LARGE1: variants seen among roughly 807,000 people sequenced by gnomAD.
LARGE1 encodes the protein xylosyl- and glucuronyltransferase LARGE1.
Under a neutral mutation model 87.6 loss-of-function variants are expected in LARGE1, and 43 were observed. The ratio of observed to expected loss-of-function variants is 0.49; its 90% CI spans 0.38 to 0.63. The LOEUF is 0.63. Among genes scored for constraint, LARGE1 ranks in the 30% least tolerant of loss-of-function variants. The probability of loss-of-function intolerance (pLI) is 0.00; values close to 1 mark genes in which losing one functional copy is unlikely to be tolerated. For synonymous variants in LARGE1, 434 were observed against 394.6 expected, an observed-to-expected ratio of 1.10 and a Z score of -1.18; for missense variants, 802 against 1,000.2, an observed-to-expected ratio of 0.80 and a Z score of 2.67.
chr22:33,544,562 G>A (rs1020568209), intron 6 of LARGE1, among the ~76,000 whole-genome samples: 3 of 152,104 alleles, frequency 2.0e-5, no homozygotes, highest in African/African-American at 4.8e-5. Context: ...TGGTACGCCT[G>A]TAATCCCAGC....
At chr22:33,898,614 C>T (rs529326653) in intron 1 of LARGE1, among the ~76,000 whole-genome samples, 33 of 152,262 alleles carry the variant, frequency 2.2e-4, no homozygotes, top group African/African-American at 7.5e-4. Flanking sequence ...ATTAGCTGGG[C>T]GTGGTGGCAC....
At chr22:33,189,463 TCACA>T (rs145313652) in intron 11 of LARGE1, among the ~76,000 whole-genome samples, 2 of 151,596 alleles carry the variant, frequency 1.3e-5, no homozygotes, top group Non-Finnish European at 1.5e-5. Context: ...GTTTCTTGAT[TCACA>T]CACACACACA....
At chr22:33,217,938 CT>C (rs887023465) in intron 11 of LARGE1, among the ~76,000 whole-genome samples, 17 of 145,002 alleles carry the variant, frequency 1.2e-4, no homozygotes, top group East Asian at 4.0e-4. Flanking sequence ...CTTTTTTTTT[CT>C]TTTTTTTTTA....
chr22:33,551,325 A>T (rs2077516558), intron 6 of LARGE1, among the ~76,000 whole-genome samples: 1 of 152,222 alleles, frequency 6.6e-6, no homozygotes, highest in South Asian at 2.1e-4. Context: ...ATAAGAGTGG[A>T]CATGAACCTG....
At chr22:33,248,158 C>T (rs561378271) in intron 11 of LARGE1, among the ~76,000 whole-genome samples, 1 of 152,008 alleles carries the variant, frequency 6.6e-6, no homozygotes, top group Non-Finnish European at 1.5e-5. Context: ...CAGAGAGTTT[C>T]CATACGCCAC....
chr22:33,360,182 G>A lies in LARGE1; in HGVS notation c.1131+21737C>T, dbSNP rs1050696737. Among the ~76,000 whole-genome samples the A allele has an allele frequency of 3.0e-4, 45 of 149,292 alleles. 4 individuals are homozygous for A. The highest frequency in any genetic ancestry group is 4.9e-4 in the Non-Finnish European group (33 of 67,054). On this transcript the variant is annotated intron_variant, in intron 9 of 14. Coordinates refer to ENST00000397394, the MANE Select transcript of LARGE1 (RefSeq NM_133642.5). ...ACAAAAATTAGCCAGGCGTAGTGAC[G>A]TGTGCCTGTAGTCCCAGCTACTTGG...
chr22:33,465,474 A>G (rs553588735), intron 6 of LARGE1, among the ~76,000 whole-genome samples: 26 of 152,354 alleles, frequency 1.7e-4, no homozygotes, highest in Non-Finnish European at 2.9e-4. Context: ...CAAGTAGAAC[A>G]TATGCCATAG....
chr22:33,317,891 T>C (rs1176666891), intron 10 of LARGE1, among the ~76,000 whole-genome samples: 1 of 151,860 alleles, frequency 6.6e-6, no homozygotes, highest in Non-Finnish European at 1.5e-5. Context: ...ACTGGAGCGA[T>C]GGGTACATGG....
intron 2 of LARGE1, among the ~76,000 whole-genome samples, chr22:33,722,053 A>G (rs1016332010): frequency 1.3e-5 from 2 of 152,128 alleles, no homozygotes; most frequent in Non-Finnish European, 2.9e-5. Context: ...GGAGTTCAAG[A>G]CCAGCCTGGC....
At chr22:33,840,658 C>A (rs910099633) in intron 1 of LARGE1, among the ~76,000 whole-genome samples, 2 of 150,512 alleles carry the variant, frequency 1.3e-5, no homozygotes, top group African/African-American at 4.9e-5. Flanking sequence ...TAGGATAATT[C>A]GACTTAGATT....
chr22:33,283,166 G>A lies in LARGE1; in HGVS notation c.1877+36C>T, dbSNP rs753871274. 8 of 1,613,114 alleles carry A rather than the reference G, an allele frequency of 5.0e-6. No homozygotes were observed. In the African/African-American group the frequency reaches 5.3e-5, roughly 11 times the overall value. On this transcript the variant is annotated intron_variant, in intron 13 of 14. Transcript: ENST00000397394. ...GTTTCCCAGGAGAAAGAAGGCCTTC[G>A]AGCACCCCCAGAGTACAGCAGCTAG...
chr22:33,792,779 C>T (rs2085863358), intron 1 of LARGE1, among the ~76,000 whole-genome samples: 1 of 152,208 alleles, frequency 6.6e-6, no homozygotes. Context: ...CATCCACACC[C>T]TCCTTTCTCT....
chr22:33,910,097 T>C (rs2065584599), intron 1 of LARGE1, among the ~76,000 whole-genome samples: 1 of 152,158 alleles, frequency 6.6e-6, no homozygotes, highest in Non-Finnish European at 1.5e-5. Flanking sequence ...CACTGCTACC[T>C]CCTTTCTATT....
At chr22:33,328,319 C>T (rs984932538) in intron 10 of LARGE1, among the ~76,000 whole-genome samples, 6 of 152,108 alleles carry the variant, frequency 3.9e-5, no homozygotes, top group Non-Finnish European at 4.4e-5. Context: ...CAGTGGCTCG[C>T]GCCTGTAATC....
intron 11 of LARGE1, among the ~76,000 whole-genome samples, chr22:33,312,624 T>C (rs766735029): frequency 6.6e-6 from 1 of 152,088 alleles, no homozygotes; most frequent in Non-Finnish European, 1.5e-5. Context: ...ACTCAGAATA[T>C]TTTGCTGATA....
intron 6 of LARGE1, among the ~76,000 whole-genome samples, chr22:33,514,474 T>C (rs2071205577): frequency 6.6e-6 from 1 of 151,880 alleles, no homozygotes; most frequent in Non-Finnish European, 1.5e-5. Flanking sequence ...ACAATGAAAA[T>C]AAAAATAAAC....
intron 1 of LARGE1, among the ~76,000 whole-genome samples, chr22:33,799,622 G>A (rs2086097788): frequency 6.6e-6 from 1 of 151,986 alleles, no homozygotes; most frequent in South Asian, 2.1e-4. Flanking sequence ...AAGTAGAGAC[G>A]GGGTTTCTCC....
rs1357098210 is a variant in LARGE1, at chr22:33,329,179, G to C, written c.1287+8467C>G. Among the ~76,000 whole-genome samples the C allele has an allele frequency of 2.6e-5, 4 of 152,316 alleles. No individual in the cohort carries two copies. In the East Asian group the frequency reaches 5.8e-4, roughly 22 times the overall value. ...TACTGATTACTCAGAGTGCTGTTTT[G>C]AGGAGGATAAAGAAGCTGGGCATAG... is the stretch of plus-strand genomic sequence containing the variant. On this transcript the variant is annotated intron_variant, in intron 10 of 14. Transcript: ENST00000397394.
intron 1 of LARGE1, among the ~76,000 whole-genome samples, chr22:33,784,775 G>A (rs1180297099): frequency 6.6e-6 from 1 of 151,434 alleles, no homozygotes; most frequent in Non-Finnish European, 1.5e-5. Flanking sequence ...TATTCATACA[G>A]TATGTATACC....
Sources: allele counts gnomAD v4.1 joint callset (sites outside exome capture counted in the v4.1 genomes callset), GRCh38; gene constraint gnomAD v4.1.1; transcripts MANE v1.5; gene names NCBI Gene and HGNC (gene_info 2026-07-23, HGNC 2026-07-21).